Variants in APPBP2 observed in about 807,000 individuals in gnomAD.
APPBP2 encodes amyloid beta precursor protein binding protein 2.
APPBP2 carries 15 observed loss-of-function variants against 76.0 expected under a neutral mutation model. That is an observed-to-expected ratio of 0.20 (90% CI 0.13 to 0.30). The LOEUF (loss-of-function observed/expected upper bound fraction) is 0.30, where lower values mean the gene tolerates loss of function less well. Among genes scored for constraint, APPBP2 ranks in the 10% least tolerant of loss-of-function variants. The pLI, the probability that APPBP2 is intolerant of heterozygous loss-of-function variation, is 1.00. For synonymous variants in APPBP2, 222 were observed against 242.2 expected (o/e 0.92, Z 0.77); for missense variants, 401 against 687.2 (o/e 0.58, Z 4.66).
At chr17:60,502,486 C>G (rs1049667537) in intron 1 of APPBP2, among the ~76,000 whole-genome samples, 7 of 148,236 alleles carry the variant, frequency 4.7e-5, no homozygotes, top group Admixed American at 4.6e-4. Flanking sequence ...AACACTAAGA[C>G]AACAATCTTA....
chr17:60,516,056 C>G (rs2090960395), intron 1 of APPBP2, among the ~76,000 whole-genome samples: 1 of 152,118 alleles, frequency 6.6e-6, no homozygotes, highest in Non-Finnish European at 1.5e-5. Flanking sequence ...ATCCCAGCTA[C>G]TGGGGAAGCT....
intron 1 of APPBP2, among the ~76,000 whole-genome samples, chr17:60,516,215 G>A (rs754496766): frequency 1.1e-4 from 16 of 152,076 alleles, no homozygotes; most frequent in Non-Finnish European, 1.9e-4. Flanking sequence ...GAGAGTGGTG[G>A]TATCCAATCT....
chr17:60,448,040 G>T (rs552990702), intron 12 of APPBP2, among the ~76,000 whole-genome samples: 1 of 152,184 alleles, frequency 6.6e-6, no homozygotes, highest in Admixed American at 6.5e-5. Flanking sequence ...AAATTTTCTC[G>T]TCTAAAGAAG....
chr17:60,484,756 A>G (rs1335869120), intron 3 of APPBP2, among the ~76,000 whole-genome samples: 3 of 152,138 alleles, frequency 2.0e-5, no homozygotes, highest in Non-Finnish European at 2.9e-5. Context: ...AACTTCCAAC[A>G]CTATGTTGAA....
At chr17:60,521,611 CT>C (rs1322351183) in intron 1 of APPBP2, among the ~76,000 whole-genome samples, 1 of 147,892 alleles carries the variant, frequency 6.8e-6, no homozygotes, top group African/African-American at 2.7e-5. Flanking sequence ...AGAATGGGGT[CT>C]CGCTTTATTG....
intron 4 of APPBP2, among the ~76,000 whole-genome samples, chr17:60,477,004 T>C (rs939809198): frequency 6.6e-6 from 1 of 152,222 alleles, no homozygotes; most frequent in Non-Finnish European, 1.5e-5. Flanking sequence ...TTGTGTAGAA[T>C]GTGTCCCAGT....
chr17:60,469,589 T>G (rs2090537345), intron 4 of APPBP2, among the ~76,000 whole-genome samples: 2 of 152,132 alleles, frequency 1.3e-5, no homozygotes, highest in Admixed American at 1.3e-4. Flanking sequence ...CTACTTTCTG[T>G]CTCTATGAAT....
chr17:60,482,478 T>C (rs2090637792), intron 3 of APPBP2, among the ~76,000 whole-genome samples: 1 of 152,196 alleles, frequency 6.6e-6, no homozygotes, highest in Admixed American at 6.5e-5. Context: ...CTTTAAGTTC[T>C]AGGGTACATG....
At chr17:60,470,373 C>T (rs2090543279) in intron 4 of APPBP2, among the ~76,000 whole-genome samples, 1 of 151,968 alleles carries the variant, frequency 6.6e-6, no homozygotes, top group Non-Finnish European at 1.5e-5. Flanking sequence ...GATCCTCCCA[C>T]CTCAGCCTCC....
At position 60,452,442 on chromosome 17, in the gene APPBP2, T is replaced by C. The variant is rs553274199; in HGVS notation, c.1339-397A>G. ...CAGTCCAAAATTTAGTTGAACCTTC[T>C]TAACAAGCTCTAGATCATAATATGT... On this transcript the variant is annotated intron_variant, in intron 11 of 12. Transcript: ENST00000083182. Among the ~76,000 whole-genome samples the C allele has an allele frequency of 7.9e-5, 12 of 152,346 alleles. No homozygotes were observed. In the East Asian group the frequency reaches 1.9e-3, roughly 24 times the overall value.
At chr17:60,493,890 G>A (rs2090751962) in intron 3 of APPBP2, among the ~76,000 whole-genome samples, 1 of 152,122 alleles carries the variant, frequency 6.6e-6, no homozygotes, top group African/African-American at 2.4e-5. Flanking sequence ...ACCCACCTCA[G>A]TAACCCAAAG....
At chr17:60,448,104 A>G (rs1333073592) in intron 12 of APPBP2, among the ~76,000 whole-genome samples, 1 of 152,224 alleles carries the variant, frequency 6.6e-6, no homozygotes, top group African/African-American at 2.4e-5. Context: ...GAACTGTTTA[A>G]AGAGATCTCA....
intron 3 of APPBP2, among the ~76,000 whole-genome samples, chr17:60,484,696 C>A (rs1187034461): frequency 6.6e-6 from 1 of 152,148 alleles, no homozygotes; most frequent in Admixed American, 6.6e-5. Flanking sequence ...TTCCTCTCTT[C>A]CTATCTGAAT....
chr17:60,469,707 C>T (rs1345355229), intron 4 of APPBP2, among the ~76,000 whole-genome samples: 2 of 152,170 alleles, frequency 1.3e-5, no homozygotes, highest in Non-Finnish European at 2.9e-5. Flanking sequence ...CATGTTGTAG[C>T]ATGTACCAAA....
At chr17:60,459,445 A>T (rs2090458675) in intron 9 of APPBP2, 1 of 150,238 alleles carries the variant, frequency 6.7e-6, no homozygotes, top group South Asian at 2.1e-4. Context: ...GTCATCTATT[A>T]ATTAGATAGA....
Position 60,454,325 on chromosome 17 carries a change from A to G in APPBP2, c.1315T>C (p.Tyr439His). ...AKHYGNLGRL[Y>H]QSMRKFKEAE... ...ACCTTAAATTTTCTCATTGACTGATAAAGTCTTCCAAGGTTTCCATAGTGT... is the reference window on the plus strand; with the variant it reads ...ACCTTAAATTTTCTCATTGACTGATGAAGTCTTCCAAGGTTTCCATAGTGT... The change falls in exon 11 of 13, where the codon TAT becomes CAT. Residue 439 changes from tyrosine to histidine, a missense_variant. Transcript: ENST00000083182. 2 of 1,576,168 alleles carry G rather than the reference A, an allele frequency of 1.3e-6. No homozygotes were observed. Among genetic ancestry groups the G allele is most frequent in the South Asian group, 1.2e-5 (1 of 83,450 alleles).
chr17:60,521,221 C>A (rs146768735), intron 1 of APPBP2, among the ~76,000 whole-genome samples: 5 of 152,132 alleles, frequency 3.3e-5, no homozygotes, highest in African/African-American at 1.2e-4. Context: ...AGTCAACAAC[C>A]GACTGCATAT....
At chr17:60,513,444 G>A (rs1421987809) in intron 1 of APPBP2, 1 of 637,086 alleles carries the variant, frequency 1.6e-6, no homozygotes, top group Non-Finnish European at 2.9e-6. Context: ...ATAACTTGTG[G>A]TTTTGTACTA....
intron 2 of APPBP2, 34 bp downstream of exon 2, chr17:60,500,365 T>C (rs1413903401): frequency 4.4e-6 from 6 of 1,375,734 alleles, no homozygotes; most frequent in African/African-American, 1.5e-5. Context: ...TTTTATGTTA[T>C]GTATATTTTA....
Sources: allele counts gnomAD v4.1 joint callset (sites outside exome capture counted in the v4.1 genomes callset), GRCh38; gene constraint gnomAD v4.1.1; transcripts MANE v1.5; gene names NCBI Gene and HGNC (gene_info 2026-07-23, HGNC 2026-07-21).